CASTOR2: variants seen among roughly 807,000 people sequenced by gnomAD.
CASTOR2 encodes GATS protein like 2.
Under a neutral mutation model 31.2 loss-of-function variants are expected in CASTOR2, and 8 were observed. That is an observed-to-expected ratio of 0.26 (90% confidence interval 0.15 to 0.46). The LOEUF is 0.46. Ranked by LOEUF, CASTOR2 falls within the 20% of genes least tolerant of loss-of-function variation. The pLI is 0.99. For synonymous variants in CASTOR2, 162 were observed against 158.7 expected, an observed-to-expected ratio of 1.02 and a Z score of -0.16; for missense variants, 216 against 382.1, an observed-to-expected ratio of 0.57 and a Z score of 3.62.
intron 2 of CASTOR2, among the ~76,000 whole-genome samples, chr7:75,013,066 G>A (rs1804790530): frequency 6.6e-6 from 1 of 152,224 alleles, no homozygotes; most frequent in Admixed American, 6.5e-5. Context: ...GGGATTACAG[G>A]CATGACCCCA....
rs1467042289 is a variant in CASTOR2 at position 75,026,977 on chromosome 7, T to A, written c.*2278T>A. 1 of 152,202 alleles carries A rather than the reference T, an allele frequency of 6.6e-6. No homozygotes were observed. Among genetic ancestry groups the A allele is most frequent in the Non-Finnish European group, 1.5e-5 (1 of 68,044 alleles). 9.4% of individuals were successfully genotyped at this position (152,202 alleles called of 1,614,324 possible). A position where few individuals can be genotyped will look rare whatever the true frequency, so the allele number is the denominator to read the frequency against. On this transcript the variant is annotated 3_prime_UTR_variant, in exon 9 of 9. Transcript: ENST00000616305. Reference sequence around the variant, plus strand: ...TTTATGTTGATAGAGATATATACTGTAAATAGCATATATACTTGAGCAATA... The same window carrying A: ...TTTATGTTGATAGAGATATATACTGAAAATAGCATATATACTTGAGCAATA...
intron 1 of CASTOR2, among the ~76,000 whole-genome samples, chr7:74,989,104 G>C (rs1461732152): frequency 6.6e-6 from 1 of 151,628 alleles, no homozygotes; most frequent in Non-Finnish European, 1.5e-5. Context: ...GGGACTACAG[G>C]CGCCCGCCAC....
rs1200356756 is a variant in CASTOR2 at position 74,973,333 on chromosome 7, CTTTTTTTTTTTTT to C, written c.113+8248_113+8260del. Among the ~76,000 whole-genome samples the C allele has an allele frequency of 1.5e-4, 12 of 80,332 alleles. No individual in the cohort carries two copies. The East Asian group carries it at 3.8e-3, about 25-fold the overall frequency. The allele number at this position is 80,332 out of a possible 152,430, so 52.7% of individuals were successfully genotyped here. ...CTGGTCCACTAGAAGCTCCAGTAAGCTTTTTTTTTTTTTTTTTTTTTTTTTGAGACAGAGTCTT... is the reference window on the plus strand; with the variant it reads ...CTGGTCCACTAGAAGCTCCAGTAAGCTTTTTTTTTTTTGAGACAGAGTCTT... On this transcript the variant is annotated intron_variant, in intron 1 of 8. Transcript: ENST00000616305.
At chr7:74,980,455 A>T (rs1803920423) in intron 1 of CASTOR2, among the ~76,000 whole-genome samples, 1 of 88,120 alleles carries the variant, frequency 1.1e-5, no homozygotes, top group African/African-American at 6.4e-5. Context: ...ACCAAAAAAT[A>T]ACTGGAGATA....
chr7:74,995,003 T>A (rs1804306864), intron 1 of CASTOR2, among the ~76,000 whole-genome samples: 1 of 151,998 alleles, frequency 6.6e-6, no homozygotes, highest in African/African-American at 2.4e-5. Context: ...GATTGCAGAT[T>A]CCAGGGAGGC....
Position 75,012,937 on chromosome 7 carries a change from G to A in CASTOR2, c.185-4661G>A, listed in dbSNP as rs189818900. On this transcript the variant is annotated intron_variant, in intron 2 of 8. Transcript: ENST00000616305. Reference sequence around the variant, plus strand: ...GCTGGGATTATAGGCGTGAACCACCGTGCACAGCCCACTGGCTAGTTTTTG... The same window carrying A: ...GCTGGGATTATAGGCGTGAACCACCATGCACAGCCCACTGGCTAGTTTTTG... 3.9e-5 allele frequency among the ~76,000 whole-genome samples: 6 copies of A among 152,198 alleles called. No individual in the cohort carries two copies. In the East Asian group the frequency reaches 9.7e-4, roughly 25 times the overall value.
rs888411767 is a variant in CASTOR2 at position 75,028,281 on chromosome 7, C to G, written c.*3582C>G. Among the ~76,000 whole-genome samples, 1 of 151,984 alleles carries G rather than the reference C, an allele frequency of 6.6e-6. No individual in the cohort carries two copies. Among genetic ancestry groups the G allele is most frequent in the Non-Finnish European group, 1.5e-5 (1 of 68,004 alleles). The stretch of plus-strand genomic sequence containing the variant: ...GATTACAGGCACTCACCACCACACG[C>G]GGCTAATTTTTGTATTTTTGGTAGA... On this transcript the variant is annotated 3_prime_UTR_variant, in exon 9 of 9. Transcript: ENST00000616305.
chr7:75,024,842 C>T lies in CASTOR2; in HGVS notation c.*143C>T, dbSNP rs1443165609. The T allele has an allele frequency of 4.5e-6, 7 of 1,540,842 alleles. No homozygotes were observed. In the African/African-American group the frequency reaches 6.9e-5, roughly 15 times the overall value. ...CTCTGTGGGAGACTCCCTCGATTGC[C>T]AATCCCTCCAGGGCAGGGGCCCACG... On this transcript the variant is annotated 3_prime_UTR_variant, in exon 9 of 9. Coordinates refer to ENST00000616305, the MANE Select transcript of CASTOR2 (RefSeq NM_001145064.3).
intron 1 of CASTOR2, among the ~76,000 whole-genome samples, chr7:74,995,527 G>A (rs1169535580): frequency 7.3e-5 from 2 of 27,336 alleles, no homozygotes; most frequent in African/African-American, 1.5e-4. Context: ...AAAAAAAAAG[G>A]CCGGGTGCGG....
chr7:74,998,652 A>G (rs1804416188), intron 1 of CASTOR2, among the ~76,000 whole-genome samples: 1 of 150,552 alleles, frequency 6.6e-6, no homozygotes, highest in South Asian at 2.1e-4. Flanking sequence ...TCTCAGTACT[A>G]TGATGGATAT....
At chr7:75,016,187 A>C (rs1431079281) in intron 2 of CASTOR2, among the ~76,000 whole-genome samples, 3 of 152,144 alleles carry the variant, frequency 2.0e-5, no homozygotes, top group Non-Finnish European at 1.5e-5. Flanking sequence ...GTGTTGTATG[A>C]AGAGCCCCGA....
At chr7:74,971,953 GT>G (rs1315325588) in intron 1 of CASTOR2, among the ~76,000 whole-genome samples, 1 of 149,326 alleles carries the variant, frequency 6.7e-6, no homozygotes, top group African/African-American at 2.5e-5. Context: ...AGTCCCCTCT[GT>G]TTTTTTATTA....
chr7:75,006,220 G>T (rs1223288074), intron 1 of CASTOR2, among the ~76,000 whole-genome samples: 1 of 152,182 alleles, frequency 6.6e-6, no homozygotes, highest in Non-Finnish European at 1.5e-5. Flanking sequence ...GGCGTTCAAG[G>T]CTTCCATGAG....
In CASTOR2 at chr7:75,027,623, C is replaced by T; in HGVS notation, c.*2924C>T. Reference sequence around the variant, plus strand: ...AGAAAAGCATGTGTGTCGGGGCGCGCTGGGGCCAGGGTATGGCTCTCCGCC... The same window carrying T: ...AGAAAAGCATGTGTGTCGGGGCGCGTTGGGGCCAGGGTATGGCTCTCCGCC... On this transcript the variant is annotated 3_prime_UTR_variant, in exon 9 of 9. Transcript: ENST00000616305. The T allele has an allele frequency of 4.7e-6, 1 of 211,076 alleles. No individual in the cohort carries two copies. Among genetic ancestry groups the T allele is most frequent in the Non-Finnish European group, 9.6e-6 (1 of 104,100 alleles). 13.1% of individuals were successfully genotyped at this position (211,076 alleles called of 1,614,324 possible).
At chr7:75,024,391 A>T in intron 7 of CASTOR2, 49 bp from the exon 8 acceptor site, 1 of 1,542,736 alleles carries the variant, frequency 6.5e-7, no homozygotes, top group Non-Finnish European at 8.8e-7. Flanking sequence ...CCACACAGGC[A>T]AGGGTAGCCA....
At chr7:75,012,041 C>G (rs1804762536) in intron 2 of CASTOR2, among the ~76,000 whole-genome samples, 1 of 151,952 alleles carries the variant, frequency 6.6e-6, no homozygotes, top group African/African-American at 2.4e-5. Flanking sequence ...TTAACTTGCC[C>G]AGAGTTAGTG....
chr7:74,997,511 G>A (rs1804380412), intron 1 of CASTOR2, among the ~76,000 whole-genome samples: 2 of 150,926 alleles, frequency 1.3e-5, no homozygotes, highest in South Asian at 2.1e-4. Flanking sequence ...CTGCAGCCTC[G>A]AACTCCCAGG....
intron 1 of CASTOR2, among the ~76,000 whole-genome samples, chr7:74,989,653 C>T (rs1223910810): frequency 4.0e-5 from 6 of 151,074 alleles, no homozygotes; most frequent in Middle Eastern, 3.4e-3. Flanking sequence ...CGACTTCAAG[C>T]GATCCTCCCA....
chr7:74,986,632 T>G (rs1281900878), intron 1 of CASTOR2, among the ~76,000 whole-genome samples: 1 of 152,154 alleles, frequency 6.6e-6, no homozygotes, highest in Non-Finnish European at 1.5e-5. Flanking sequence ...CACCTGCCCC[T>G]TACGCCCCCT....
Sources: gnomAD v4.1 joint callset for allele counts (sites outside exome capture counted in the v4.1 genomes callset) on GRCh38, gnomAD v4.1.1 for gene constraint, MANE v1.5 for transcripts, NCBI Gene and HGNC (gene_info 2026-07-23, HGNC 2026-07-21) for gene names.